The following OR2A25 variants were observed in gnomAD, a reference collection of about 807,000 sequenced individuals.
The protein encoded by OR2A25 is olfactory receptor 2A25.
For synonymous variants in OR2A25, 162 were observed against 148.1 expected, an observed-to-expected ratio of 1.09 and a Z score of -0.68; for missense variants, 362 against 368.3, an observed-to-expected ratio of 0.98 and a Z score of 0.14.
At chr7:144,074,167 C>T in intron 1 of OR2A25, 49 bp from the exon 2 acceptor site, 3 of 1,508,872 alleles carry the variant, frequency 2.0e-6, no homozygotes, top group Non-Finnish European at 2.7e-6. Context: ...CATGCTTAAA[C>T]ATTTGCCTTA....
At chr7:144,071,713 G>T (rs2051068574) in intron 1 of OR2A25, among the ~76,000 whole-genome samples, 2 of 152,044 alleles carry the variant, frequency 1.3e-5, no homozygotes, top group Non-Finnish European at 2.9e-5. Flanking sequence ...CTTGGAGATG[G>T]GGGAAGATGA....
At chr7:144,071,165 AC>A (rs59094165) in intron 1 of OR2A25, among the ~76,000 whole-genome samples, 47,078 of 150,990 alleles carry the variant, frequency 0.31, 8,341 homozygotes, top group East Asian at 0.66. Flanking sequence ...TCCTCCCAAT[AC>A]CCCTGCTACC....
chr7:144,075,448 A>G lies in OR2A25; in HGVS notation c.*296A>G, dbSNP rs1300914435. 4.5e-6 allele frequency: 1 copy of G among 219,866 alleles called. No individual in the cohort carries two copies. The highest frequency in any genetic ancestry group is 9.0e-6 in the Non-Finnish European group (1 of 111,284). 13.6% of individuals were successfully genotyped at this position (219,866 alleles called of 1,614,324 possible). ...TAAATGTGTATCTTTTTGTTCTGTAAATAAGACTTGAAGGCGAATTTTTGT... is the reference window on the plus strand; with the variant it reads ...TAAATGTGTATCTTTTTGTTCTGTAGATAAGACTTGAAGGCGAATTTTTGT... On this transcript the variant is annotated 3_prime_UTR_variant, in exon 2 of 2. Transcript: ENST00000641663.
intron 1 of OR2A25, among the ~76,000 whole-genome samples, chr7:144,071,000 CAATTACATTCTTTAATGTGAATGTAAAG>C (rs1314505079): frequency 6.6e-6 from 1 of 151,882 alleles, no homozygotes; most frequent in African/African-American, 2.4e-5. Flanking sequence ...GAATGTAATC[CAATTACATTCTTTAATGTGAATGTAAAG>C]AATTACATTC....
At chr7:144,070,703 T>A (rs1333167520) in intron 1 of OR2A25, among the ~76,000 whole-genome samples, 1 of 152,008 alleles carries the variant, frequency 6.6e-6, no homozygotes, top group Non-Finnish European at 1.5e-5. Context: ...CCTAATTGAC[T>A]GCAAACTAGA....
chr7:144,072,497 T>G (rs527273217), intron 1 of OR2A25, among the ~76,000 whole-genome samples: 3 of 152,224 alleles, frequency 2.0e-5, no homozygotes, highest in Admixed American at 6.5e-5. Flanking sequence ...GAGATCAGTA[T>G]TTTTTAAATC....
intron 1 of OR2A25, among the ~76,000 whole-genome samples, chr7:144,072,678 A>G (rs2051075715): frequency 1.3e-5 from 2 of 152,108 alleles, no homozygotes; most frequent in South Asian, 4.1e-4. Context: ...GTAGGAATAT[A>G]GCAGAATTTT....
Position 144,074,784 on chromosome 7 carries a change from G to A in OR2A25, c.565G>A (p.Ala189Thr), listed in dbSNP as rs371433950. ...TATGGCTGTTCTCAAACTTGCCTGT[G>A]CGGATACCCACATTAATGAGGTAAT... ...EIMAVLKLACADTHINEVMVL... is the reference protein window; with the variant it reads ...EIMAVLKLACTDTHINEVMVL... Residue 189 changes from alanine (A) to threonine (T), a missense_variant, in exon 2 of 2, where the codon GCG (alanine) becomes ACG (threonine). Ala to Thr is a moderately conservative substitution (Grantham distance 58). Coordinates refer to ENST00000641663, the MANE Select transcript of OR2A25 (RefSeq NM_001386096.1). 20 of 1,614,032 alleles carry A rather than the reference G, an allele frequency of 1.2e-5. No homozygotes were observed. In the African/African-American group the frequency reaches 2.0e-4, roughly 16 times the overall value.
rs558386219 is a variant in OR2A25, at chr7:144,075,288, C to G, written c.*136C>G. The G allele has an allele frequency of 1.2e-4, 77 of 649,816 alleles. No homozygotes were observed. The highest frequency in any genetic ancestry group is 2.0e-4 in the Non-Finnish European group (75 of 376,912). 40.3% of individuals were successfully genotyped at this position (649,816 alleles called of 1,614,324 possible). ...TTGAAATTTTCCTATGACTACCTCC[C>G]GAGAAAGCCCATTCTGCTTTCCTCT... On this transcript the variant is annotated 3_prime_UTR_variant, in exon 2 of 2. Transcript: ENST00000641663.
chr7:144,073,580 CACAA>C (rs1586891378), intron 1 of OR2A25, among the ~76,000 whole-genome samples: 2 of 152,108 alleles, frequency 1.3e-5, no homozygotes, highest in East Asian at 3.8e-4. Context: ...CATAAGACAA[CACAA>C]ACAGAGTAGA....
rs202200327 is a variant in OR2A25, at chr7:144,074,336, G to A, written c.117G>A (p.Leu39=). ...CCCTGTTCTACATCTTCATTCTGTT[G>A]GGGAACGGGACAATCCTGGGGCTCA... is the stretch of plus-strand genomic sequence containing the variant. ...LFSLFYIFIL[L]GNGTILGLIS... Residue 39 remains leucine (L), a synonymous_variant, in exon 2 of 2, where the codon TTG becomes TTA. Coordinates refer to ENST00000641663, the MANE Select transcript of OR2A25 (RefSeq NM_001386096.1). 7 of 1,613,960 alleles carry A rather than the reference G, an allele frequency of 4.3e-6. No individual in the cohort carries two copies. Among genetic ancestry groups the A allele is most frequent in the Non-Finnish European group, 5.9e-6 (7 of 1,179,924 alleles).
At chr7:144,073,521 C>T (rs1040197240) in intron 1 of OR2A25, among the ~76,000 whole-genome samples, 3 of 151,800 alleles carry the variant, frequency 2.0e-5, no homozygotes, top group Non-Finnish European at 4.4e-5. Flanking sequence ...ATGAAATATA[C>T]AATAGATTAC....
chr7:144,075,077 C>T lies in OR2A25; in HGVS notation c.858C>T (p.Pro286=). Residue 286 remains proline, a synonymous_variant, in exon 2 of 2, where the codon CCC becomes CCT. Transcript: ENST00000641663. ...FHSLFNPMLN[P]LIYSLRNKEV... ...GCCTCTTCAATCCCATGCTTAATCC[C>T]CTAATTTATAGTCTTAGGAACAAGG... The T allele has an allele frequency of 6.2e-7, 1 of 1,614,082 alleles. No individual in the cohort carries two copies. Among genetic ancestry groups the T allele is most frequent in the African/African-American group, 1.3e-5 (1 of 74,998 alleles).
intron 1 of OR2A25, among the ~76,000 whole-genome samples, chr7:144,073,343 G>A (rs373701267): frequency 1.2e-4 from 18 of 151,836 alleles, no homozygotes; most frequent in South Asian, 1.0e-3. Flanking sequence ...TTAAATTATC[G>A]CATGTACCCT....
At chr7:144,073,482 C>G (rs2961133) in intron 1 of OR2A25, among the ~76,000 whole-genome samples, 88,321 of 151,352 alleles carry the variant, frequency 0.58, 26,158 homozygotes, top group African/African-American at 0.66. Flanking sequence ...ACTATATATA[C>G]AGTAGATTAC....
chr7:144,073,531 C>T (rs2051083084), intron 1 of OR2A25, among the ~76,000 whole-genome samples: 1 of 151,996 alleles, frequency 6.6e-6, no homozygotes, highest in Non-Finnish European at 1.5e-5. Context: ...CAATAGATTA[C>T]TGTAGTCCAA....
intron 1 of OR2A25, among the ~76,000 whole-genome samples, chr7:144,073,897 C>T (rs940438113): frequency 6.6e-6 from 1 of 152,076 alleles, no homozygotes; most frequent in Non-Finnish European, 1.5e-5. Flanking sequence ...CTGATGTAAT[C>T]ATCACAAACT....
chr7:144,071,798 C>T (rs1919951), intron 1 of OR2A25, among the ~76,000 whole-genome samples: 49,808 of 151,844 alleles, frequency 0.33, 8,958 homozygotes, highest in African/African-American at 0.45. Flanking sequence ...TTGTTATCTT[C>T]ATTGGACTCA....
chr7:144,072,206 T>A (rs1315078110), intron 1 of OR2A25, among the ~76,000 whole-genome samples: 2 of 152,040 alleles, frequency 1.3e-5, no homozygotes, highest in African/African-American at 4.8e-5. Context: ...TCTGTTTTTA[T>A]TTTAGTGAAA....
Sources: allele counts gnomAD v4.1 joint callset (sites outside exome capture counted in the v4.1 genomes callset), GRCh38; gene constraint gnomAD v4.1.1; transcripts MANE v1.5; gene names NCBI Gene and HGNC (gene_info 2026-07-23, HGNC 2026-07-21).